HIVEP1: variants seen among roughly 807,000 people sequenced by gnomAD.
HIVEP1 encodes zinc finger protein 40.
HIVEP1 carries 36 observed loss-of-function variants against 180.0 expected under a neutral mutation model. That is an observed-to-expected ratio of 0.20 (90% CI 0.15 to 0.26). HIVEP1 has a LOEUF of 0.26. HIVEP1 is among the 10% of genes least tolerant of loss of function. The pLI is 1.00. For synonymous variants in HIVEP1, 1,239 were observed against 1,239.0 expected, an observed-to-expected ratio of 1.00 and a Z score of 0.00; for missense variants, 3,143 against 3,268.7, an observed-to-expected ratio of 0.96 and a Z score of 0.94.
chr6:12,157,609 T>C (rs1259964493), intron 7 of HIVEP1, among the ~76,000 whole-genome samples: 2 of 152,202 alleles, frequency 1.3e-5, no homozygotes, highest in Admixed American at 1.3e-4. Flanking sequence ...TACATTTACA[T>C]CTACTGTGAA....
At chr6:12,198,764 C>T in the HIVEP1 span, among the ~76,000 whole-genome samples, 21,568 of 152,138 alleles carry the variant, frequency 0.14, 1,979 homozygotes, top group Middle Eastern at 0.23. Flanking sequence ...TGCAGATCTC[C>T]GGGGAAAGAA....
At chr6:12,146,062 A>T (rs1469955973) in intron 7 of HIVEP1, among the ~76,000 whole-genome samples, 8 of 152,140 alleles carry the variant, frequency 5.3e-5, no homozygotes, top group Non-Finnish European at 7.4e-5. Flanking sequence ...AATGGGGTAA[A>T]CCTTTTTTTA....
At chr6:12,011,289 C>A (rs1767279713), upstream of HIVEP1, among the ~76,000 whole-genome samples, 1 of 109,902 alleles carries the variant, frequency 9.1e-6, no homozygotes, top group Admixed American at 1.0e-4. Flanking sequence ...CCCCCCGCCT[C>A]CCCCTCCCCC....
chr6:12,092,908 G>T (rs942887216), intron 3 of HIVEP1, among the ~76,000 whole-genome samples: 1 of 152,184 alleles, frequency 6.6e-6, no homozygotes, highest in Non-Finnish European at 1.5e-5. Context: ...GGCTGAACTC[G>T]CAAGCAAAGT....
intron 2 of HIVEP1, chr6:12,020,526 C>G: frequency 2.2e-6 from 1 of 448,624 alleles, no homozygotes; most frequent in Admixed American, 2.4e-5. Flanking sequence ...CGCTTGGACC[C>G]TTGAGTAACA....
At chr6:12,175,412 CAA>C in the HIVEP1 span, among the ~76,000 whole-genome samples, 2 of 152,146 alleles carry the variant, frequency 1.3e-5, no homozygotes, top group East Asian at 3.8e-4. Context: ...AGATAATATG[CAA>C]AGTATTTAAC....
chr6:12,160,763 T>C (rs1298600285), intron 7 of HIVEP1, among the ~76,000 whole-genome samples: 1 of 152,176 alleles, frequency 6.6e-6, no homozygotes, highest in Non-Finnish European at 1.5e-5. Context: ...ATGTGGGATA[T>C]AGTGTCCAGT....
rs751658551 is a variant in HIVEP1 at position 12,119,978 on chromosome 6, A to G, written c.183A>G (p.Lys61=). The G allele has an allele frequency of 7.4e-6, 12 of 1,611,562 alleles. No individual in the cohort carries two copies. The highest frequency in any genetic ancestry group is 1.3e-5 in the African/African-American group (1 of 74,684). ...KKIVAENHLK[K]IPKSPLRNPL... ...TCGTAGCTGAGAATCACCTGAAAAA[A>G]ATACCAAAATCCCCACTGAGAAATC... is the stretch of plus-strand genomic sequence containing the variant. The change falls in exon 4 of 9, where the codon AAA becomes AAG. Residue 61 remains lysine (K), a synonymous_variant. Coordinates refer to ENST00000379388, the MANE Select transcript of HIVEP1 (RefSeq NM_002114.4).
chr6:12,092,575 A>T (rs1581666209), intron 3 of HIVEP1, among the ~76,000 whole-genome samples: 1 of 152,182 alleles, frequency 6.6e-6, no homozygotes, highest in East Asian at 1.9e-4. Context: ...GTTCAGCTCT[A>T]CAAAATGATG....
chr6:12,132,799 GA>G (rs1404705891), intron 6 of HIVEP1, among the ~76,000 whole-genome samples: 2 of 152,182 alleles, frequency 1.3e-5, no homozygotes, highest in Non-Finnish European at 2.9e-5. Flanking sequence ...GACTGGTGAA[GA>G]AAATGTTAGA....
intron 4 of HIVEP1, among the ~76,000 whole-genome samples, chr6:12,128,688 A>G (rs1320313865): frequency 2.0e-5 from 3 of 152,206 alleles, no homozygotes; most frequent in African/African-American, 7.2e-5. Flanking sequence ...AAGTGAGACA[A>G]CATACTATCA....
chr6:12,198,316 T>G, the HIVEP1 span, among the ~76,000 whole-genome samples: 4 of 152,148 alleles, frequency 2.6e-5, no homozygotes, highest in African/African-American at 9.7e-5. Context: ...TAGAAAAAAG[T>G]TCATTGTTGG....
intron 2 of HIVEP1, among the ~76,000 whole-genome samples, chr6:12,079,151 C>A (rs1456167095): frequency 2.6e-5 from 4 of 152,074 alleles, no homozygotes. Flanking sequence ...TTATATCCAT[C>A]CCACAGTGGG....
intron 7 of HIVEP1, among the ~76,000 whole-genome samples, chr6:12,161,014 A>C (rs1261255524): frequency 6.6e-6 from 1 of 152,216 alleles, no homozygotes; most frequent in Non-Finnish European, 1.5e-5. Flanking sequence ...TGTTTGATTT[A>C]ATTTGTTCAG....
chr6:12,131,159 TATA>T (rs1758396612), intron 6 of HIVEP1, among the ~76,000 whole-genome samples: 2 of 151,660 alleles, frequency 1.3e-5, no homozygotes, highest in South Asian at 4.1e-4. Context: ...ATATAATAAA[TATA>T]ATATTTTTAA....
Position 12,120,978 on chromosome 6 carries a change from C to G in HIVEP1, c.1183C>G (p.Leu395Val). 1 of 1,614,152 alleles carries G rather than the reference C, an allele frequency of 6.2e-7. No individual in the cohort carries two copies. Among genetic ancestry groups the G allele is most frequent in the Non-Finnish European group, 8.5e-7 (1 of 1,180,022 alleles). ...QSVEQMCNLL[L>V]KDQKPKKQGK... is the part of the protein sequence containing the mutation. ...CGTAGAGCAAATGTGCAATCTTCTTCTGAAAGATCAGAAGCCAAAAAAACA... is the reference window on the plus strand; with the variant it reads ...CGTAGAGCAAATGTGCAATCTTCTTGTGAAAGATCAGAAGCCAAAAAAACA... The change falls in exon 4 of 9, where the codon CTG (leucine) becomes GTG (valine). Residue 395 changes from leucine to valine, a missense_variant. Physicochemically the swap from Leu to Val is conservative, Grantham distance 32 (BLOSUM62 1). Coordinates refer to ENST00000379388, the MANE Select transcript of HIVEP1 (RefSeq NM_002114.4).
At chr6:12,045,353 C>G (rs999806197) in intron 2 of HIVEP1, among the ~76,000 whole-genome samples, 3 of 152,202 alleles carry the variant, frequency 2.0e-5, no homozygotes, top group African/African-American at 7.2e-5. Context: ...ACGTTAGATT[C>G]ACCTGAAAGG....
rs1286511632 is a variant in HIVEP1 at position 12,164,210 on chromosome 6, G to C, written c.7906G>C (p.Glu2636Gln). 28 of 1,614,070 alleles carry C rather than the reference G, an allele frequency of 1.7e-5. No individual in the cohort carries two copies. The highest frequency in any genetic ancestry group is 2.3e-5 in the Non-Finnish European group (27 of 1,180,050). ...RLDGLSKMDTEKAASANHVKP... is the reference protein window; with the variant it reads ...RLDGLSKMDTQKAASANHVKP... ...TGATGGCCTGAGTAAAATGGACACA[G>C]AGAAGGCTGCCTCGGCAAATCACGT... The change falls in exon 9 of 9, where the codon GAG (glutamate) becomes CAG (glutamine). Residue 2636 changes from glutamate to glutamine, a missense_variant. Glu to Gln is a conservative substitution (Grantham distance 29). This residue lies in a region of HIVEP1 where 595 missense variants were observed against 602.2 expected (regional missense o/e 0.99). Coordinates refer to ENST00000379388, the MANE Select transcript of HIVEP1 (RefSeq NM_002114.4).
chr6:12,148,832 A>G (rs2113642168), intron 7 of HIVEP1, among the ~76,000 whole-genome samples: 1 of 152,312 alleles, frequency 6.6e-6, no homozygotes, highest in South Asian at 2.1e-4. Context: ...TGTCTGGTCT[A>G]GCTATATGAA....
Sources: allele counts gnomAD v4.1 joint callset (sites outside exome capture counted in the v4.1 genomes callset), GRCh38; gene constraint gnomAD v4.1.1; regional missense constraint gnomAD v4.1.1; transcripts MANE v1.5; gene names NCBI Gene and HGNC (gene_info 2026-07-23, HGNC 2026-07-21).